The following SMTNL2 variants were observed in gnomAD, a reference collection of about 807,000 sequenced individuals.
SMTNL2 encodes smoothelin-like protein 2.
Under a neutral mutation model 44.1 loss-of-function variants are expected in SMTNL2, and 43 were observed. The ratio of observed to expected loss-of-function variants is 0.98; its 90% CI spans 0.76 to 1.26. The LOEUF (loss-of-function observed/expected upper bound fraction) is 1.26. SMTNL2 is among the 50% of genes most tolerant of loss of function. SMTNL2 has a pLI of 0.00. For missense variants in SMTNL2, 646 were observed against 670.2 expected (o/e 0.96, Z 0.40); for synonymous variants, 317 against 287.6 (o/e 1.10, Z -1.03).
chr17:4,586,350 A>T (rs1217872055), intron 1 of SMTNL2, among the ~76,000 whole-genome samples: 1 of 152,040 alleles, frequency 6.6e-6, no homozygotes, highest in Non-Finnish European at 1.5e-5. Context: ...GTCTAAAATC[A>T]CCACTGTGAG....
chr17:4,596,763 T>C, intron 5 of SMTNL2, 97 bp from the exon 6 acceptor site: 2 of 1,117,276 alleles, frequency 1.8e-6, no homozygotes, highest in Non-Finnish European at 2.4e-6. Flanking sequence ...GGGAGCACCC[T>C]CCTTGGTGGT....
intron 7 of SMTNL2, among the ~76,000 whole-genome samples, chr17:4,601,627 G>A (rs1910033948): frequency 1.3e-5 from 2 of 151,844 alleles, no homozygotes; most frequent in African/African-American, 2.4e-5. Flanking sequence ...AAGCTCAAGT[G>A]ATCCTCCTGC....
intron 1 of SMTNL2, among the ~76,000 whole-genome samples, chr17:4,586,331 G>A (rs73331914): frequency 0.012 from 1,753 of 152,270 alleles, 32 homozygotes; most frequent in African/African-American, 0.037. Context: ...GACACTCTAC[G>A]TGACCATGGT....
chr17:4,592,117 G>A lies in SMTNL2; in HGVS notation c.400-244G>A, dbSNP rs898077316. Reference sequence around the variant, plus strand: ...TCTTGACTTCTGTCCTCAGCTTTTTGGGACTCTGGGAGGAGCCCAGTGGAG... The same window carrying A: ...TCTTGACTTCTGTCCTCAGCTTTTTAGGACTCTGGGAGGAGCCCAGTGGAG... On this transcript the variant is annotated intron_variant, in intron 1 of 7. Transcript: ENST00000389313. The surrounding 1 kb of genome is among the most constrained non-coding windows in gnomAD (Gnocchi z 4.5). 3.3e-5 allele frequency among the ~76,000 whole-genome samples: 5 copies of A among 152,222 alleles called. No homozygotes were observed. The highest frequency in any genetic ancestry group is 1.2e-4 in the African/African-American group (5 of 41,464).
chr17:4,585,148 T>A, intron 1 of SMTNL2, 144 bp downstream of exon 1: 1 of 1,053,920 alleles, frequency 9.5e-7, no homozygotes, highest in Non-Finnish European at 1.2e-6. Flanking sequence ...ATGGGGGTCC[T>A]GCCGCCCCTC....
intron 5 of SMTNL2, among the ~76,000 whole-genome samples, chr17:4,596,139 G>A (rs1210071394): frequency 5.4e-5 from 7 of 130,254 alleles, no homozygotes; most frequent in African/African-American, 1.4e-4. Context: ...CTGTGTGCAG[G>A]GTGTGGCCCA....
intron 1 of SMTNL2, among the ~76,000 whole-genome samples, chr17:4,588,247 C>T (rs1221164194): frequency 3.9e-5 from 6 of 152,226 alleles, no homozygotes; most frequent in Non-Finnish European, 7.3e-5. Context: ...AGGCAGCACC[C>T]AGAAGGCCTG....
intron 1 of SMTNL2, among the ~76,000 whole-genome samples, chr17:4,588,949 G>T (rs1017914725): frequency 6.6e-6 from 1 of 152,182 alleles, no homozygotes; most frequent in African/African-American, 2.4e-5. Flanking sequence ...GTTGGAGGAT[G>T]GTCTCAGAAT....
Position 4,584,698 on chromosome 17 carries a change from G to T in SMTNL2, c.93G>T (p.Leu31=). The T allele has an allele frequency of 2.3e-6, 3 of 1,294,764 alleles. No homozygotes were observed. Among genetic ancestry groups the T allele is most frequent in the Non-Finnish European group, 2.9e-6 (3 of 1,025,356 alleles). The allele number at this position is 1,294,764 out of a possible 1,614,324, so 80.2% of individuals were successfully genotyped here. A position where few individuals can be genotyped will look rare whatever the true frequency, so the allele number is the denominator to read the frequency against. The change falls in exon 1 of 8, where the codon CTG becomes CTT. Residue 31 remains leucine, a synonymous_variant. Transcript: ENST00000389313. ...EAALEGAVRA[L]HEDMRGLQRG... is the part of the protein sequence containing the mutation. Reference sequence around the variant, plus strand: ...CGCTGGAGGGTGCGGTGCGCGCGCTGCACGAGGACATGCGGGGGCTGCAGC... The same window carrying T: ...CGCTGGAGGGTGCGGTGCGCGCGCTTCACGAGGACATGCGGGGGCTGCAGC...
At position 4,598,950 on chromosome 17, in the gene SMTNL2, G is replaced by A. The variant is rs4790206; in HGVS notation, c.1259+1627G>A. Among the ~76,000 whole-genome samples the A allele has an allele frequency of 0.26, 38,994 of 151,842 alleles. 5,993 individuals are homozygous for A. The highest frequency in any genetic ancestry group is 0.35 in the Middle Eastern group (103 of 294). Reference sequence around the variant, plus strand: ...ACCACCTGGCCCCGGCCCCAGCCCCGGCCCTGGCCCACCACCCCGGCCCCT... The same window carrying A: ...ACCACCTGGCCCCGGCCCCAGCCCCAGCCCTGGCCCACCACCCCGGCCCCT... On this transcript the variant is annotated intron_variant, in intron 7 of 7. Coordinates refer to ENST00000389313, the MANE Select transcript of SMTNL2 (RefSeq NM_001114974.2). The surrounding 1 kb of genome is among the most constrained non-coding windows in gnomAD (Gnocchi z 4.8).
intron 5 of SMTNL2, among the ~76,000 whole-genome samples, chr17:4,596,426 G>A (rs1909815350): frequency 1.3e-5 from 2 of 152,246 alleles, no homozygotes; most frequent in African/African-American, 2.4e-5. Context: ...TCCTGGCTAG[G>A]AAAGAGCCAT....
chr17:4,592,599 C>T lies in SMTNL2; in HGVS notation c.487+151C>T, dbSNP rs577706259. On this transcript the variant is annotated intron_variant, in intron 2 of 7. Coordinates refer to ENST00000389313, the MANE Select transcript of SMTNL2 (RefSeq NM_001114974.2). The surrounding 1 kb of genome is among the most constrained non-coding windows in gnomAD (Gnocchi z 4.5). ...GGGAGAGAGGCTGCCAGGAGAGCAG[C>T]GTCATTCAGTAGAACTTGTGAAACA... 1.7e-4 allele frequency: 126 copies of T among 729,036 alleles called. No homozygotes were observed. The African/African-American group carries it at 1.8e-3, about 11-fold the overall frequency. The allele number at this position is 729,036 out of a possible 1,614,324, so 45.2% of individuals were successfully genotyped here.
In SMTNL2 at chr17:4,592,867, A is replaced by C; in HGVS notation, c.488-62A>C. 2 of 1,561,796 alleles carry C rather than the reference A, an allele frequency of 1.3e-6. No homozygotes were observed. Among genetic ancestry groups the C allele is most frequent in the South Asian group, 1.2e-5 (1 of 83,454 alleles). On this transcript the variant is annotated intron_variant, in intron 2 of 7. Coordinates refer to ENST00000389313, the MANE Select transcript of SMTNL2 (RefSeq NM_001114974.2). This position sits in a 1 kb window ranked among gnomAD's most constrained non-coding sequence, Gnocchi z 4.5. The stretch of plus-strand genomic sequence containing the variant: ...CCAGGGAGGCTAGAGCCCTCCTGGG[A>C]GGTCCCAGGCCCCTGTGGCTGCCAC...
chr17:4,592,506 T>C lies in SMTNL2; in HGVS notation c.487+58T>C. On this transcript the variant is annotated intron_variant, in intron 2 of 7. Coordinates refer to ENST00000389313, the MANE Select transcript of SMTNL2 (RefSeq NM_001114974.2). The surrounding 1 kb of genome is among the most constrained non-coding windows in gnomAD (Gnocchi z 4.5). Reference sequence around the variant, plus strand: ...TAGGTTTGGGGGTTAAGTAAGGCCTTGGTCAGGTATCTGTGCCAGGCTGGC... The same window carrying C: ...TAGGTTTGGGGGTTAAGTAAGGCCTCGGTCAGGTATCTGTGCCAGGCTGGC... 1 of 1,491,004 alleles carries C rather than the reference T, an allele frequency of 6.7e-7. No individual in the cohort carries two copies. Among genetic ancestry groups the C allele is most frequent in the African/African-American group, 1.4e-5 (1 of 72,354 alleles). 92.4% of individuals were successfully genotyped at this position (1,491,004 alleles called of 1,614,324 possible).
At chr17:4,586,512 A>AAGAGAG (rs10565578) in intron 1 of SMTNL2, among the ~76,000 whole-genome samples, 3 of 149,884 alleles carry the variant, frequency 2.0e-5, no homozygotes, top group African/African-American at 7.4e-5. Context: ...TGTACACACA[A>AAGAGAG]AGAGAGAGAG....
At chr17:4,596,744 A>C in intron 5 of SMTNL2, 116 bp from the exon 6 acceptor site, 1 of 854,556 alleles carries the variant, frequency 1.2e-6, no homozygotes, top group Admixed American at 3.4e-5. Context: ...CTGGGTGAGC[A>C]GAGCAGGTGG....
At chr17:4,597,372 G>A in intron 7 of SMTNL2, 49 bp downstream of exon 7, 1 of 1,595,354 alleles carries the variant, frequency 6.3e-7, no homozygotes. Flanking sequence ...CAGTCCCTGA[G>A]CCCAACTTCT....
Position 4,584,621 on chromosome 17 carries a change from G to A in SMTNL2, c.16G>A (p.Asp6Asn). The A allele has an allele frequency of 8.0e-7, 1 of 1,244,040 alleles. No homozygotes were observed. The highest frequency in any genetic ancestry group is 1.0e-6 in the Non-Finnish European group (1 of 995,036). 77.1% of individuals were successfully genotyped at this position (1,244,040 alleles called of 1,614,324 possible). Residue 6 changes from aspartate to asparagine, a missense_variant, in exon 1 of 8, where the codon GAC becomes AAC. Physicochemically the swap from Asp to Asn is conservative, Grantham distance 23 (BLOSUM62 1). Transcript: ENST00000389313. The stretch of plus-strand genomic sequence containing the variant: ...CTGCTGGGCCATGGAGCCGGCCCCC[G>A]ACGCCCAGGAGGCGCGCACTGTGCG... MEPAPDAQEARTVREA... is the reference protein window; with the variant it reads MEPAPNAQEARTVREA...
At chr17:4,593,716 C>A in intron 3 of SMTNL2, 106 bp from the exon 4 acceptor site, 1 of 1,127,286 alleles carries the variant, frequency 8.9e-7, no homozygotes, top group Non-Finnish European at 1.3e-6. Context: ...CTCATCCATG[C>A]AGCGATGCCG....
Sources: allele counts gnomAD v4.1 joint callset (sites outside exome capture counted in the v4.1 genomes callset), GRCh38; gene constraint gnomAD v4.1.1; non-coding constraint Gnocchi (gnomAD v3.1); transcripts MANE v1.5; gene names NCBI Gene and HGNC (gene_info 2026-07-23, HGNC 2026-07-21).